HCN1: variants seen among roughly 807,000 people sequenced by gnomAD.
HCN1 encodes potassium/sodium hyperpolarization-activated cyclic nucleotide-gated channel 1.
In HCN1, 13 loss-of-function variants were observed where a neutral mutation model predicts 78.9. That is an observed-to-expected ratio of 0.16 (90% CI 0.11 to 0.26). The LOEUF (loss-of-function observed/expected upper bound fraction) is 0.26. Ranked by LOEUF, HCN1 falls within the 10% of genes least tolerant of loss-of-function variation. The probability of loss-of-function intolerance (pLI) is 1.00; values close to 1 mark genes in which losing one functional copy is unlikely to be tolerated. For synonymous variants in HCN1, 552 were observed against 455.5 expected (o/e 1.21, Z -2.70); for missense variants, 810 against 1,154.3 (o/e 0.70, Z 4.32).
chr5:45,482,576 G>A (rs367639260), intron 2 of HCN1, among the ~76,000 whole-genome samples: 9 of 152,106 alleles, frequency 5.9e-5, no homozygotes, highest in African/African-American at 9.7e-5. Flanking sequence ...TCCCAGCCCC[G>A]TGGAACCAGA....
chr5:45,291,682 T>C (rs773695357), intron 6 of HCN1, among the ~76,000 whole-genome samples: 16 of 151,884 alleles, frequency 1.1e-4, no homozygotes, highest in Non-Finnish European at 1.9e-4. Context: ...TTGTATGTGC[T>C]ACCACATCCA....
At chr5:45,519,728 T>C (rs772886861) in intron 2 of HCN1, among the ~76,000 whole-genome samples, 5 of 151,998 alleles carry the variant, frequency 3.3e-5, no homozygotes, top group Non-Finnish European at 5.9e-5. Flanking sequence ...AAACCTGTCT[T>C]GGAAAATCTA....
chr5:45,333,128 T>C (rs541614708), intron 5 of HCN1, among the ~76,000 whole-genome samples: 6 of 151,944 alleles, frequency 3.9e-5, no homozygotes, highest in African/African-American at 1.2e-4. Flanking sequence ...GGTTCCCTTT[T>C]CTCCACATCC....
chr5:45,446,926 C>A (rs908312425), intron 3 of HCN1, among the ~76,000 whole-genome samples: 2 of 152,196 alleles, frequency 1.3e-5, no homozygotes, highest in Admixed American at 6.5e-5. Flanking sequence ...CCAGCCGCTG[C>A]AAAATCATTC....
At chr5:45,641,990 A>T (rs1745462947) in intron 2 of HCN1, 1 of 152,120 alleles carries the variant, frequency 6.6e-6, no homozygotes, top group African/African-American at 2.4e-5. Context: ...GGCTTGGATC[A>T]CTGTCTTTAA....
At chr5:45,373,404 T>C (rs1368297504) in intron 4 of HCN1, among the ~76,000 whole-genome samples, 1 of 133,424 alleles carries the variant, frequency 7.5e-6, no homozygotes, top group African/African-American at 2.7e-5. Flanking sequence ...ATATATTATA[T>C]AAAATATATT....
chr5:45,692,087 A>G (rs1739926042), intron 1 of HCN1, among the ~76,000 whole-genome samples: 1 of 152,242 alleles, frequency 6.6e-6, no homozygotes, highest in African/African-American at 2.4e-5. Context: ...TGTAAGCATG[A>G]TGGAACAAAA....
At chr5:45,376,911 A>G (rs570808530) in intron 4 of HCN1, among the ~76,000 whole-genome samples, 1 of 152,148 alleles carries the variant, frequency 6.6e-6, no homozygotes, top group East Asian at 1.9e-4. Context: ...ATGTTCAGCC[A>G]GGTCTGAGAA....
intron 7 of HCN1, among the ~76,000 whole-genome samples, chr5:45,263,789 T>C (rs1365949522): frequency 6.6e-6 from 1 of 151,812 alleles, no homozygotes; most frequent in African/African-American, 2.4e-5. Context: ...TTATTTATTT[T>C]ATTTTATTTA....
rs1744602767 is a variant in HCN1, at chr5:45,255,948, A to G, written c.*5973T>C. 1 of 152,188 alleles carries G rather than the reference A, an allele frequency of 6.6e-6. No homozygotes were observed. Among genetic ancestry groups the G allele is most frequent in the Admixed American group, 6.5e-5 (1 of 15,278 alleles). 9.4% of individuals were successfully genotyped at this position (152,188 alleles called of 1,614,324 possible). On this transcript the variant is annotated 3_prime_UTR_variant, in exon 8 of 8. Transcript: ENST00000303230. ...TACGTTACCTGAATTCAATTATATAATCTATTGGAAACATAAAGTGGTCCT... is the reference window on the plus strand; with the variant it reads ...TACGTTACCTGAATTCAATTATATAGTCTATTGGAAACATAAAGTGGTCCT...
At chr5:45,425,292 C>T (rs944099172) in intron 3 of HCN1, among the ~76,000 whole-genome samples, 4 of 152,178 alleles carry the variant, frequency 2.6e-5, no homozygotes, top group African/African-American at 9.7e-5. Context: ...ATAATTAACT[C>T]CATCTGTGTG....
chr5:45,295,928 G>A (rs560891694), intron 6 of HCN1, among the ~76,000 whole-genome samples: 2 of 152,128 alleles, frequency 1.3e-5, no homozygotes, highest in South Asian at 2.1e-4. Context: ...ATAAGTACAT[G>A]TTATTAGATT....
At position 45,262,416 on chromosome 5, in the gene HCN1, C is replaced by A. The variant is rs1039430806; in HGVS notation, c.2178G>T (p.Gln726His). 2 of 1,611,288 alleles carry A rather than the reference C, an allele frequency of 1.2e-6. No homozygotes were observed. The highest frequency in any genetic ancestry group is 1.7e-6 in the Non-Finnish European group (2 of 1,179,678). Residue 726 changes from glutamine (Q) to histidine (H), a missense_variant, in exon 8 of 8, where the codon CAG becomes CAT. This residue lies in a region of HCN1 where 398 missense variants were observed against 381.3 expected (regional missense o/e 1.04). Coordinates refer to ENST00000303230, the MANE Select transcript of HCN1 (RefSeq NM_021072.4). ...TFHYASPTAS[Q>H]LSLMQQQPQQ... is the part of the protein sequence containing the mutation. ...GCGGCTGCTGTTGCATGAGTGACAG[C>A]TGGGAGGCGGTGGGGGAGGCATAGT...
intron 2 of HCN1, among the ~76,000 whole-genome samples, chr5:45,595,498 A>T (rs1370917811): frequency 6.6e-6 from 1 of 151,972 alleles, no homozygotes. Context: ...CCACCACATC[A>T]GGCTATATTG....
chr5:45,472,520 A>G (rs981471151), intron 2 of HCN1, among the ~76,000 whole-genome samples: 7 of 139,364 alleles, frequency 5.0e-5, no homozygotes, highest in Admixed American at 4.3e-4. Flanking sequence ...TGGAGGGAGG[A>G]AGGGAAGGAG....
intron 3 of HCN1, among the ~76,000 whole-genome samples, chr5:45,458,954 C>T (rs1363152225): frequency 2.0e-5 from 3 of 152,050 alleles, no homozygotes; most frequent in Non-Finnish European, 4.4e-5. Flanking sequence ...CATAAATATA[C>T]TTTGCTTTTT....
intron 5 of HCN1, among the ~76,000 whole-genome samples, chr5:45,304,306 T>C (rs1003024949): frequency 4.6e-5 from 7 of 152,030 alleles, no homozygotes; most frequent in Non-Finnish European, 1.0e-4. Flanking sequence ...TGTTTTTTTT[T>C]TTTGTTAGTG....
Position 45,258,060 on chromosome 5 carries a change from G to T in HCN1, c.*3861C>A, listed in dbSNP as rs570645715. ...ATGGCACATGTTCTAAAAAGATAAA[G>T]ATATAATGGAGAGATATCTCATTCA... is the stretch of plus-strand genomic sequence containing the variant. On this transcript the variant is annotated 3_prime_UTR_variant, in exon 8 of 8. Coordinates refer to ENST00000303230, the MANE Select transcript of HCN1 (RefSeq NM_021072.4). 1 of 152,146 alleles carries T rather than the reference G, an allele frequency of 6.6e-6. No individual in the cohort carries two copies. The highest frequency in any genetic ancestry group is 1.9e-4 in the East Asian group (1 of 5,180). 9.4% of individuals were successfully genotyped at this position (152,146 alleles called of 1,614,324 possible).
intron 5 of HCN1, among the ~76,000 whole-genome samples, chr5:45,315,586 G>A (rs1055141781): frequency 6.6e-6 from 1 of 152,110 alleles, no homozygotes; most frequent in Admixed American, 6.6e-5. Flanking sequence ...GAAGGAGATA[G>A]AGACACAAAA....
Sources: allele counts gnomAD v4.1 joint callset (sites outside exome capture counted in the v4.1 genomes callset), GRCh38; gene constraint gnomAD v4.1.1; regional missense constraint gnomAD v4.1.1; transcripts MANE v1.5; gene names NCBI Gene and HGNC (gene_info 2026-07-23, HGNC 2026-07-21).